Variants in CLEC18A observed in about 807,000 individuals in gnomAD.
CLEC18A encodes the protein mannose receptor-like 1.
Under a neutral mutation model 24.0 loss-of-function variants are expected in CLEC18A, and 5 were observed. That is an observed-to-expected ratio of 0.21 (90% CI 0.11 to 0.44). CLEC18A has a LOEUF of 0.44. Among genes scored for constraint, CLEC18A ranks in the 20% least tolerant of loss-of-function variants. The pLI is 0.99. For missense variants in CLEC18A, 83 were observed against 233.4 expected, an observed-to-expected ratio of 0.36 and a Z score of 4.20; for synonymous variants, 29 against 100.1, an observed-to-expected ratio of 0.29 and a Z score of 4.24.
intron 3 of CLEC18A, 23 bp downstream of exon 3, chr16:69,954,596 C>T (rs760272424): frequency 3.7e-6 from 6 of 1,608,178 alleles, no homozygotes; most frequent in African/African-American, 2.7e-5. Context: ...CAGGTGAGGC[C>T]AGTGTGCCAG....
chr16:69,955,556 G>A (rs1040151966), intron 3 of CLEC18A, among the ~76,000 whole-genome samples: 2 of 150,432 alleles, frequency 1.3e-5, no homozygotes, highest in South Asian at 2.1e-4. Context: ...TCACCATGCT[G>A]GCCAGGCTGG....
chr16:69,946,392 A>ATTT (rs56112480), upstream of CLEC18A, among the ~76,000 whole-genome samples: 138 of 84,018 alleles, frequency 1.6e-3, no homozygotes, highest in African/African-American at 4.0e-3. Context: ...ATGTGTATGG[A>ATTT]TTTTTTTTTT....
At chr16:69,945,078 G>A in the CLEC18A span, among the ~76,000 whole-genome samples, 4 of 145,872 alleles carry the variant, frequency 2.7e-5, no homozygotes, top group Non-Finnish European at 1.5e-5. Flanking sequence ...GGAGCCGTGA[G>A]CACACCACTG....
At chr16:69,950,374 C>T (rs1345489287), upstream of CLEC18A, among the ~76,000 whole-genome samples, 1 of 129,012 alleles carries the variant, frequency 7.8e-6, no homozygotes, top group Non-Finnish European at 1.8e-5. Flanking sequence ...CCGAGAGGAA[C>T]GTGGGCATTA....
chr16:69,951,537 T>C (rs764247866), intron 1 of CLEC18A, 47 bp downstream of exon 1: 2 of 1,611,896 alleles, frequency 1.2e-6, no homozygotes, highest in South Asian at 1.1e-5. Flanking sequence ...CATTACGAGC[T>C]CTGAGGAGTG....
At chr16:69,945,548 C>T in the CLEC18A span, among the ~76,000 whole-genome samples, 1 of 152,256 alleles carries the variant, frequency 6.6e-6, no homozygotes, top group Non-Finnish European at 1.5e-5. Context: ...CTATATTGCC[C>T]AGGCTGGTCT....
upstream of CLEC18A, among the ~76,000 whole-genome samples, chr16:69,948,636 G>A (rs973235489): frequency 2.7e-5 from 4 of 150,650 alleles, no homozygotes; most frequent in Admixed American, 2.0e-4. Flanking sequence ...CTCACCTGGG[G>A]AAAGCTGCCT....
At chr16:69,945,842 C>G (rs1484841001), upstream of CLEC18A, among the ~76,000 whole-genome samples, 1 of 152,004 alleles carries the variant, frequency 6.6e-6, no homozygotes, top group East Asian at 1.9e-4. Context: ...CCTGTAATTT[C>G]AGCACTTTGG....
At chr16:69,954,204 C>G in intron 2 of CLEC18A, 130 bp from the exon 3 acceptor site, 1 of 1,308,326 alleles carries the variant, frequency 7.6e-7, no homozygotes, top group Non-Finnish European at 1.1e-6. Flanking sequence ...CAGGACTCCT[C>G]ATCCAGTGCT....
At chr16:69,944,249 C>T in the CLEC18A span, among the ~76,000 whole-genome samples, 1 of 137,592 alleles carries the variant, frequency 7.3e-6, no homozygotes, top group Non-Finnish European at 1.7e-5. Flanking sequence ...TGAGCCAAAA[C>T]CGCACCACTG....
downstream of CLEC18A, among the ~76,000 whole-genome samples, chr16:69,965,545 C>G (rs1458949412): frequency 6.6e-6 from 1 of 150,460 alleles, no homozygotes; most frequent in Non-Finnish European, 1.5e-5. Flanking sequence ...ACCTTCCCAC[C>G]CCGCCCCACG....
downstream of CLEC18A, among the ~76,000 whole-genome samples, chr16:69,964,799 G>A (rs1344931180): frequency 2.4e-4 from 36 of 151,662 alleles, no homozygotes; most frequent in Admixed American, 4.6e-4. Flanking sequence ...CACCGCGCCC[G>A]GCCCTATTTT....
At chr16:69,944,632 C>G in the CLEC18A span, among the ~76,000 whole-genome samples, 1 of 151,702 alleles carries the variant, frequency 6.6e-6, no homozygotes, top group Non-Finnish European at 1.5e-5. Flanking sequence ...AAGGTCAGAT[C>G]AAGACCATCC....
At chr16:69,948,529 G>A (rs1057408526), upstream of CLEC18A, among the ~76,000 whole-genome samples, 8 of 151,924 alleles carry the variant, frequency 5.3e-5, no homozygotes, top group Non-Finnish European at 1.2e-4. Context: ...TGCATGAGCT[G>A]GAGAGGGGTG....
At chr16:69,955,493 G>A (rs1237420057) in intron 3 of CLEC18A, among the ~76,000 whole-genome samples, 2 of 151,476 alleles carry the variant, frequency 1.3e-5, no homozygotes, top group Non-Finnish European at 2.9e-5. Flanking sequence ...TGGGACTACA[G>A]GCACGAGCCA....
At chr16:69,966,252 G>C (rs1034723241), downstream of CLEC18A, among the ~76,000 whole-genome samples, 7 of 150,548 alleles carry the variant, frequency 4.6e-5, no homozygotes, top group African/African-American at 1.7e-4. Context: ...CTGCTTCTTT[G>C]AAAGCCCCCA....
the CLEC18A span, among the ~76,000 whole-genome samples, chr16:69,943,555 C>T: frequency 2.6e-5 from 4 of 152,198 alleles, no homozygotes; most frequent in African/African-American, 7.2e-5. Context: ...TAGTACTTGT[C>T]GTTTCGTGAC....
At chr16:69,949,058 TCTC>T (rs1198185797), upstream of CLEC18A, among the ~76,000 whole-genome samples, 188 of 120,912 alleles carry the variant, frequency 1.6e-3, no homozygotes, top group Non-Finnish European at 1.5e-3. Flanking sequence ...TTCAAGCAAT[TCTC>T]CTGCCTCAGC....
At chr16:69,945,804 A>G (rs1335047805), upstream of CLEC18A, among the ~76,000 whole-genome samples, 1 of 152,226 alleles carries the variant, frequency 6.6e-6, no homozygotes, top group Non-Finnish European at 1.5e-5. Context: ...CTAAAAATAC[A>G]AAAATTGGCC....
Sources: gnomAD v4.1 joint callset for allele counts (sites outside exome capture counted in the v4.1 genomes callset) on GRCh38, gnomAD v4.1.1 for gene constraint, MANE v1.5 for transcripts, NCBI Gene and HGNC (gene_info 2026-07-23, HGNC 2026-07-21) for gene names.